Variants in FBLN2 observed in about 807,000 individuals in gnomAD.
FBLN2 encodes the protein fibulin-2.
A neutral mutation model predicts 123.7 loss-of-function variants in FBLN2; 81 were observed. The observed-to-expected ratio is 0.65, with a 90% confidence interval of 0.55 to 0.79. FBLN2 has a LOEUF of 0.79. FBLN2 is among the 30% of genes least tolerant of loss of function. FBLN2 has a pLI of 0.00. For missense variants in FBLN2, 1,603 were observed against 1,681.3 expected (o/e 0.95, Z 0.81); for synonymous variants, 699 against 701.4 (o/e 1.00, Z 0.05).
At chr3:13,575,099 C>A (rs1030162032) in intron 2 of FBLN2, among the ~76,000 whole-genome samples, 19 of 152,340 alleles carry the variant, frequency 1.2e-4, no homozygotes, top group Non-Finnish European at 2.2e-4. Context: ...ATCATCGTCG[C>A]ATTTCTAATT....
intron 8 of FBLN2, among the ~76,000 whole-genome samples, chr3:13,620,908 G>A (rs780910348): frequency 2.6e-5 from 4 of 152,226 alleles, no homozygotes; most frequent in Non-Finnish European, 5.9e-5. Flanking sequence ...ACATGACGTG[G>A]CAGTGACCGG....
rs752167178 is a variant in FBLN2, at chr3:13,570,294, CT to C, written c.-41-19del. The C allele has an allele frequency of 8.2e-6, 12 of 1,459,034 alleles. No individual in the cohort carries two copies. The African/African-American group carries it at 1.7e-4, about 21-fold the overall frequency. 90.4% of individuals were successfully genotyped at this position (1,459,034 alleles called of 1,614,324 possible). A position where few individuals can be genotyped will look rare whatever the true frequency, so the allele number is the denominator to read the frequency against. ...TGTGTGCACACCCAGTACTGACAGG[CT>C]TCCTTTCTGATTCCCCCAGGGTCTT... is the stretch of plus-strand genomic sequence containing the variant. On this transcript the variant is annotated intron_variant, in intron 1 of 17. Transcript: ENST00000404922.
chr3:13,551,627 A>C (rs968902246), intron 1 of FBLN2, among the ~76,000 whole-genome samples: 2 of 151,898 alleles, frequency 1.3e-5, no homozygotes, highest in African/African-American at 4.8e-5. Flanking sequence ...CCGTGGGGGG[A>C]GTGCCCTGAG....
intron 5 of FBLN2, among the ~76,000 whole-genome samples, chr3:13,617,296 A>G (rs1203322321): frequency 6.6e-6 from 1 of 151,260 alleles, no homozygotes; most frequent in African/African-American, 2.4e-5. Flanking sequence ...CTACCCATTC[A>G]TCCATCCATT....
intron 2 of FBLN2, among the ~76,000 whole-genome samples, chr3:13,574,183 A>G (rs893187758): frequency 8.5e-5 from 13 of 152,192 alleles, no homozygotes; most frequent in African/African-American, 3.1e-4. Flanking sequence ...TGTTAGCCAG[A>G]GCATCACAGC....
intron 4 of FBLN2, among the ~76,000 whole-genome samples, chr3:13,611,424 C>T (rs183786881): frequency 1.1e-4 from 17 of 152,312 alleles, no homozygotes; most frequent in African/African-American, 4.1e-4. Context: ...TAAACACTAA[C>T]TCCCATTCCC....
At chr3:13,619,126 C>A (rs1574989576) in intron 7 of FBLN2, 109 bp downstream of exon 7, 3 of 759,498 alleles carry the variant, frequency 3.9e-6, no homozygotes, top group East Asian at 5.4e-5. Context: ...CAAGATGGCC[C>A]CTCCAAAGGG....
At chr3:13,609,674 T>TGGGGGGGGGG in intron 4 of FBLN2, 32 bp downstream of exon 4, 1 of 62,586 alleles carries the variant, frequency 1.6e-5, no homozygotes, top group African/African-American at 3.8e-4. Context: ...CAAGGCAGGG[T>TGGGGGGGGGG]GGGGTGGGGC....
rs555107268 is a variant in FBLN2, at chr3:13,625,199, G to C, written c.2297-1246G>C. 2.8e-5 allele frequency among the ~76,000 whole-genome samples: 4 copies of C among 144,138 alleles called. No individual in the cohort carries two copies. The East Asian group carries it at 6.4e-4, about 23-fold the overall frequency. 94.6% of individuals were successfully genotyped at this position (144,138 alleles called of 152,430 possible). A position where few individuals can be genotyped will look rare whatever the true frequency, so the allele number is the denominator to read the frequency against. On this transcript the variant is annotated intron_variant, in intron 9 of 17. Transcript: ENST00000404922. ...TCTGAGTTGGTGGCCTCTGTGGCCC[G>C]GGGGTGGTTTCTGAGTTGGTGGCCT...
In FBLN2 at chr3:13,618,314, C is replaced by T. The variant is rs776630440; in HGVS notation, c.1939+29C>T. 1.1e-5 allele frequency: 17 copies of T among 1,608,562 alleles called. No individual in the cohort carries two copies. In the South Asian group the frequency reaches 1.8e-4, roughly 17 times the overall value. ...AGGGCCCTGATGGCCAGGGCAGGGG[C>T]TATGGGAAGGGCTGATCTTGCCAGG... On this transcript the variant is annotated intron_variant, in intron 6 of 17. Transcript: ENST00000404922.
chr3:13,638,259 T>G lies in FBLN2; in HGVS notation c.*340T>G. The stretch of plus-strand genomic sequence containing the variant: ...GGATGACCCGTCCCCAAAGTTGACA[T>G]TCCATTTCATGTTCCACTGTGATTA... On this transcript the variant is annotated 3_prime_UTR_variant, in exon 18 of 18. Transcript: ENST00000404922. 1 of 528,204 alleles carries G rather than the reference T, an allele frequency of 1.9e-6. No individual in the cohort carries two copies. Among genetic ancestry groups the G allele is most frequent in the Non-Finnish European group, 3.5e-6 (1 of 287,526 alleles). 32.7% of individuals were successfully genotyped at this position (528,204 alleles called of 1,614,324 possible).
Position 13,631,435 on chromosome 3 carries a change from G to T in FBLN2, c.3192G>T (p.Thr1064=), listed in dbSNP as rs373014299. 4.4e-6 allele frequency: 7 copies of T among 1,595,724 alleles called. No individual in the cohort carries two copies. Among genetic ancestry groups the T allele is most frequent in the African/African-American group, 2.7e-5 (2 of 74,540 alleles). Residue 1064 remains threonine (T), a synonymous_variant, in exon 16 of 18, where the codon ACG becomes ACT. Transcript: ENST00000404922. The part of the protein sequence containing the change: ...CACPEQGYTM[T]ANGRSCKDVD... ...GCCCTGAGCAGGGCTACACCATGACGGCCAACGGGAGGTCCTGCAAGGGTG... is the reference window on the plus strand; with the variant it reads ...GCCCTGAGCAGGGCTACACCATGACTGCCAACGGGAGGTCCTGCAAGGGTG...
chr3:13,550,642 A>G (rs1172212748), intron 1 of FBLN2, among the ~76,000 whole-genome samples: 1 of 152,072 alleles, frequency 6.6e-6, no homozygotes, highest in Non-Finnish European at 1.5e-5. Flanking sequence ...TTTGTGGCTG[A>G]TAGGGGCTCT....
intron 1 of FBLN2, among the ~76,000 whole-genome samples, chr3:13,566,732 C>A (rs187687498): frequency 7.9e-5 from 12 of 152,374 alleles, no homozygotes; most frequent in Admixed American, 1.3e-4. Context: ...CATGTGACAT[C>A]TCAGGGTGGC....
intron 10 of FBLN2, among the ~76,000 whole-genome samples, 196 bp from the exon 11 acceptor site, chr3:13,627,636 C>T (rs1403103682): frequency 6.6e-6 from 1 of 152,332 alleles, no homozygotes; most frequent in East Asian, 1.9e-4. Flanking sequence ...AAGAGAAGCG[C>T]AGTAAACATG....
chr3:13,556,549 G>A (rs1388448260), intron 1 of FBLN2, among the ~76,000 whole-genome samples: 1 of 152,200 alleles, frequency 6.6e-6, no homozygotes, highest in African/African-American at 2.4e-5. Flanking sequence ...TGTTCAGCCT[G>A]TAACAGACTG....
intron 6 of FBLN2, 43 bp from the exon 7 acceptor site, chr3:13,618,861 C>G: frequency 6.6e-7 from 1 of 1,507,180 alleles, no homozygotes; most frequent in Non-Finnish European, 9.1e-7. Context: ...GGCTGAAGAC[C>G]TGAGACCTCC....
chr3:13,621,538 G>A (rs577098000), intron 8 of FBLN2, among the ~76,000 whole-genome samples: 2 of 152,282 alleles, frequency 1.3e-5, no homozygotes, highest in East Asian at 1.9e-4. Flanking sequence ...CACTGTGACC[G>A]TGGGCAGCCA....
At chr3:13,565,075 G>A (rs1574945810) in intron 1 of FBLN2, among the ~76,000 whole-genome samples, 1 of 152,304 alleles carries the variant, frequency 6.6e-6, no homozygotes, top group East Asian at 1.9e-4. Context: ...CTCACACTGT[G>A]TGCTGAGTCA....
Sources: allele counts gnomAD v4.1 joint callset (sites outside exome capture counted in the v4.1 genomes callset), GRCh38; gene constraint gnomAD v4.1.1; transcripts MANE v1.5; gene names NCBI Gene and HGNC (gene_info 2026-07-23, HGNC 2026-07-21).